The following BTRC variants were observed in gnomAD, a reference collection of about 807,000 sequenced individuals.
BTRC encodes the protein F-box/WD repeat-containing protein 1A.
Under a neutral mutation model 85.5 loss-of-function variants are expected in BTRC, and 42 were observed. The observed-to-expected ratio is 0.49, with a 90% CI of 0.38 to 0.64. The LOEUF is 0.64. Ranked by LOEUF, BTRC falls within the 30% of genes least tolerant of loss-of-function variation. The pLI is 0.00. For missense variants in BTRC, 594 were observed against 743.5 expected, an observed-to-expected ratio of 0.80 and a Z score of 2.34; for synonymous variants, 255 against 263.3, an observed-to-expected ratio of 0.97 and a Z score of 0.30.
intron 4 of BTRC, among the ~76,000 whole-genome samples, chr10:101,491,989 G>A (rs1426491845): frequency 6.6e-6 from 1 of 151,844 alleles, no homozygotes; most frequent in Non-Finnish European, 1.5e-5. Flanking sequence ...TAACTCCCTG[G>A]ATATTCTCTA....
In BTRC at chr10:101,531,322, C is replaced by A; in HGVS notation, c.829C>A (p.Gln277Lys). The change falls in exon 7 of 15, where the codon CAA (glutamine) becomes AAA (lysine). Residue 277 changes from glutamine to lysine, a missense_variant. Physicochemically the swap from Gln to Lys is moderately conservative, Grantham distance 53 (BLOSUM62 1). Around this residue, in one of 4 missense-constraint regions of BTRC, gnomAD observed 373 missense variants for 503.6 expected, o/e 0.74. Coordinates refer to ENST00000370187, the MANE Select transcript of BTRC (RefSeq NM_033637.4). ...TAGAGCACTTTATCCTAAAATTATA[C>A]AAGACATTGAGGTAAGAATCTATGT... ...FYRALYPKII[Q>K]DIETIESNWR... 1 of 1,597,840 alleles carries A rather than the reference C, an allele frequency of 6.3e-7. No homozygotes were observed. Among genetic ancestry groups the A allele is most frequent in the Non-Finnish European group, 8.6e-7 (1 of 1,165,564 alleles).
intron 1 of BTRC, among the ~76,000 whole-genome samples, chr10:101,357,433 T>C (rs1337763943): frequency 9.2e-6 from 1 of 109,154 alleles, no homozygotes; most frequent in Non-Finnish European, 1.8e-5. Flanking sequence ...AGAGCGAGAC[T>C]CTGTCTCAAA....
chr10:101,402,137 A>G (rs1376923605), intron 1 of BTRC, among the ~76,000 whole-genome samples: 1 of 152,170 alleles, frequency 6.6e-6, no homozygotes, highest in African/African-American at 2.4e-5. Context: ...TTAAGGCTGT[A>G]TGCTAGTCTC....
At chr10:101,527,437 G>A (rs924442390) in intron 6 of BTRC, among the ~76,000 whole-genome samples, 1 of 152,048 alleles carries the variant, frequency 6.6e-6, no homozygotes, top group African/African-American at 2.4e-5. Context: ...AAAAAACTAG[G>A]CAATTTTTAG....
At chr10:101,522,409 CTTTTTTTTT>C (rs1176651688) in intron 5 of BTRC, among the ~76,000 whole-genome samples, 26 of 29,544 alleles carry the variant, frequency 8.8e-4, no homozygotes, top group African/African-American at 2.6e-3. Flanking sequence ...ATAAAGACTC[CTTTTTTTTT>C]TTTTTTTTTT....
intron 1 of BTRC, among the ~76,000 whole-genome samples, chr10:101,425,622 CCTG>C (rs1463065953): frequency 1.4e-5 from 2 of 141,206 alleles, no homozygotes; most frequent in African/African-American, 5.0e-5. Flanking sequence ...TAGTTTAAAA[CCTG>C]CTTTTTTTTT....
At chr10:101,472,409 ATCC>A (rs1945556753) in intron 3 of BTRC, among the ~76,000 whole-genome samples, 1 of 151,968 alleles carries the variant, frequency 6.6e-6, no homozygotes, top group East Asian at 1.9e-4. Flanking sequence ...AGCTCAAGCA[ATCC>A]TCCTGCATTG....
rs1942416832 is a variant in BTRC at position 101,366,862 on chromosome 10, ATATATTAATATATATTTATATATATT to A, written c.48+12640_48+12665del. ...TATTTATGTATATTAATATATATTTATATATTAATATATATTTATATATATTTATATATATTTATATATATTAATAT... is the reference window on the plus strand; with the variant it reads ...TATTTATGTATATTAATATATATTTATATATATATTTATATATATTAATAT... On this transcript the variant is annotated intron_variant, in intron 1 of 14. Transcript: ENST00000370187. Among the ~76,000 whole-genome samples, 2 of 28,746 alleles carry A rather than the reference ATATATTAATATATATTTATATATATT, an allele frequency of 7.0e-5. 1 individual carries two copies. Among genetic ancestry groups the A allele is most frequent in the African/African-American group, 2.9e-4 (2 of 6,870 alleles). The allele number at this position is 28,746 out of a possible 152,430, so 18.9% of individuals were successfully genotyped here. A position where few individuals can be genotyped will look rare whatever the true frequency, so the allele number is the denominator to read the frequency against.
chr10:101,375,649 C>T (rs1005262535), intron 1 of BTRC, among the ~76,000 whole-genome samples: 1 of 152,176 alleles, frequency 6.6e-6, no homozygotes, highest in Non-Finnish European at 1.5e-5. Context: ...AAAAGTGGAA[C>T]TGGGAAACCT....
At chr10:101,472,180 A>C (rs2134200395) in intron 3 of BTRC, among the ~76,000 whole-genome samples, 1 of 152,148 alleles carries the variant, frequency 6.6e-6, no homozygotes, top group African/African-American at 2.4e-5. Context: ...ATTCAACCCC[A>C]CAGGGTTTGT....
chr10:101,475,395 C>T (rs2134211054), intron 3 of BTRC, among the ~76,000 whole-genome samples: 2 of 152,190 alleles, frequency 1.3e-5, no homozygotes, highest in South Asian at 4.1e-4. Flanking sequence ...CAAAAATTAG[C>T]CGGCCGTGGT....
intron 1 of BTRC, among the ~76,000 whole-genome samples, chr10:101,383,397 T>TTAA (rs1491437350): frequency 1.5e-5 from 2 of 132,832 alleles, no homozygotes; most frequent in Non-Finnish European, 3.3e-5. Context: ...TCTTCCTTTT[T>TTAA]AAAAAAAAAA....
intron 1 of BTRC, among the ~76,000 whole-genome samples, chr10:101,357,638 A>G (rs979248812): frequency 7.9e-5 from 12 of 152,084 alleles, no homozygotes; most frequent in African/African-American, 2.4e-4. Flanking sequence ...CATGGTTTAA[A>G]CAAATGTAAA....
chr10:101,525,362 A>G (rs1029611274), intron 5 of BTRC, among the ~76,000 whole-genome samples: 2 of 152,154 alleles, frequency 1.3e-5, no homozygotes, highest in African/African-American at 4.8e-5. Context: ...TTTAGGTTTT[A>G]TAGCAGCAGC....
In BTRC at chr10:101,521,877, C is replaced by T; in HGVS notation, c.556+7C>T. 1.3e-6 allele frequency: 2 copies of T among 1,580,618 alleles called. No homozygotes were observed. The highest frequency in any genetic ancestry group is 1.7e-6 in the Non-Finnish European group (2 of 1,150,696). Reference sequence around the variant, plus strand: ...TTCATAACTGCTCTGCCAGGTATGTCTACAAGTGTTTGTAAACCATTAATT... The same window carrying T: ...TTCATAACTGCTCTGCCAGGTATGTTTACAAGTGTTTGTAAACCATTAATT... On this transcript the variant is annotated splice_region_variant and intron_variant, in intron 5 of 14. Coordinates refer to ENST00000370187, the MANE Select transcript of BTRC (RefSeq NM_033637.4).
intron 1 of BTRC, among the ~76,000 whole-genome samples, chr10:101,362,518 C>T (rs1237480196): frequency 1.3e-5 from 2 of 152,048 alleles, no homozygotes; most frequent in Non-Finnish European, 2.9e-5. Context: ...GCCTCAGCCT[C>T]CCGAGTAGCT....
intron 1 of BTRC, among the ~76,000 whole-genome samples, chr10:101,392,844 C>T (rs1306887273): frequency 6.6e-6 from 1 of 152,146 alleles, no homozygotes; most frequent in African/African-American, 2.4e-5. Flanking sequence ...TTTAATATTC[C>T]CCCTGTGGTG....
chr10:101,379,566 C>G (rs937630710), intron 1 of BTRC, among the ~76,000 whole-genome samples: 3 of 151,954 alleles, frequency 2.0e-5, no homozygotes, highest in African/African-American at 7.2e-5. Context: ...GCATAATATA[C>G]TACATATTTT....
chr10:101,427,373 C>G (rs1944285714), intron 1 of BTRC, among the ~76,000 whole-genome samples: 1 of 151,826 alleles, frequency 6.6e-6, no homozygotes. Flanking sequence ...ACCTTGGCCT[C>G]CCAAAGTGCT....
Sources: gnomAD v4.1 joint callset for allele counts (sites outside exome capture counted in the v4.1 genomes callset) on GRCh38, gnomAD v4.1.1 for gene constraint, gnomAD v4.1.1 regional missense constraint, MANE v1.5 for transcripts, NCBI Gene and HGNC (gene_info 2026-07-23, HGNC 2026-07-21) for gene names.